The following SMG6 variants were observed in gnomAD, a reference collection of about 807,000 sequenced individuals.
The protein encoded by SMG6 is SMG6 nonsense mediated mRNA decay factor.
A neutral mutation model predicts 142.2 loss-of-function variants in SMG6; 66 were observed. The observed-to-expected ratio is 0.46, with a 90% CI of 0.38 to 0.57. SMG6 has a LOEUF of 0.57. SMG6 is among the 20% of genes least tolerant of loss of function. The pLI is 0.00. For missense variants in SMG6, 1,793 were observed against 1,832.0 expected (o/e 0.98, Z 0.39); for synonymous variants, 779 against 702.4 (o/e 1.11, Z -1.72).
chr17:2,097,358 A>T (rs2068883743), intron 13 of SMG6, among the ~76,000 whole-genome samples: 1 of 151,354 alleles, frequency 6.6e-6, no homozygotes, highest in Admixed American at 6.6e-5. Context: ...CTGGTCTTGA[A>T]CTCTTGGCCT....
intron 8 of SMG6, among the ~76,000 whole-genome samples, chr17:2,247,305 C>A (rs1275272488): frequency 6.6e-6 from 1 of 152,094 alleles, no homozygotes; most frequent in Non-Finnish European, 1.5e-5. Context: ...AACTTTTCCA[C>A]AGATAGGATG....
chr17:2,278,144 A>C (rs925940385), intron 8 of SMG6, among the ~76,000 whole-genome samples: 5 of 152,206 alleles, frequency 3.3e-5, no homozygotes, highest in Non-Finnish European at 7.3e-5. Context: ...GAAGGACATC[A>C]ATCAGTTAAT....
intron 13 of SMG6, among the ~76,000 whole-genome samples, chr17:2,098,699 C>T (rs969354407): frequency 2.0e-5 from 3 of 152,096 alleles, no homozygotes; most frequent in Admixed American, 6.6e-5. Flanking sequence ...GGCGTGATCT[C>T]GGCTCACTGA....
chr17:2,268,328 C>T (rs2074468516), intron 8 of SMG6, among the ~76,000 whole-genome samples: 1 of 152,156 alleles, frequency 6.6e-6, no homozygotes, highest in Admixed American at 6.5e-5. Flanking sequence ...TCTAAGGAAA[C>T]CTTATAAAAC....
chr17:2,104,209 C>T (rs2069092195), intron 13 of SMG6, among the ~76,000 whole-genome samples: 1 of 152,048 alleles, frequency 6.6e-6, no homozygotes. Flanking sequence ...CCTCGGCCTC[C>T]CAAAGTGCTG....
intron 13 of SMG6, chr17:2,127,866 C>T (rs1445560536): frequency 4.1e-5 from 23 of 560,108 alleles, no homozygotes; most frequent in Non-Finnish European, 5.3e-5. Context: ...CGATCTCCTG[C>T]TTCATCTTGG....
chr17:2,180,918 A>G (rs2071785975), intron 12 of SMG6, among the ~76,000 whole-genome samples: 1 of 152,178 alleles, frequency 6.6e-6, no homozygotes, highest in South Asian at 2.1e-4. Flanking sequence ...GCAAAGACCA[A>G]TGAAAGCATG....
intron 13 of SMG6, among the ~76,000 whole-genome samples, chr17:2,149,013 C>T (rs1567637690): frequency 6.6e-6 from 1 of 152,044 alleles, no homozygotes; most frequent in Non-Finnish European, 1.5e-5. Flanking sequence ...GGCTACACAA[C>T]AGTTTGAATG....
At chr17:2,114,384 G>A (rs1231575001) in intron 13 of SMG6, among the ~76,000 whole-genome samples, 1 of 152,050 alleles carries the variant, frequency 6.6e-6, no homozygotes, top group African/African-American at 2.4e-5. Flanking sequence ...CCATTGAAAT[G>A]ACTAAAAATA....
intron 13 of SMG6, among the ~76,000 whole-genome samples, chr17:2,159,200 C>T (rs1265665929): frequency 6.6e-6 from 1 of 152,140 alleles, no homozygotes; most frequent in African/African-American, 2.4e-5. Context: ...GCGGGTGGAT[C>T]ATTTGAGGTC....
At chr17:2,069,102 G>A (rs2068028544) in intron 15 of SMG6, among the ~76,000 whole-genome samples, 171 bp from the exon 16 acceptor site, 1 of 152,142 alleles carries the variant, frequency 6.6e-6, no homozygotes, top group Non-Finnish European at 1.5e-5. Flanking sequence ...GCTGAGCATA[G>A]CACTGCAATA....
At chr17:2,092,237 C>T (rs1309473406) in intron 13 of SMG6, among the ~76,000 whole-genome samples, 2 of 151,960 alleles carry the variant, frequency 1.3e-5, no homozygotes, top group Non-Finnish European at 2.9e-5. Flanking sequence ...CCACCGCGCC[C>T]GGCCTTTCTC....
At chr17:2,266,186 G>C (rs558903272) in intron 8 of SMG6, 2 of 985,236 alleles carry the variant, frequency 2.0e-6, no homozygotes, top group Non-Finnish European at 2.4e-6. Context: ...AAATTCTGAC[G>C]GGTATCTGGG....
In SMG6 at chr17:2,100,953, G is replaced by A. The variant is rs531394552; in HGVS notation, c.3358-15052C>T. Among the ~76,000 whole-genome samples the A allele has an allele frequency of 2.0e-5, 3 of 152,242 alleles. No homozygotes were observed. In the East Asian group the frequency reaches 5.8e-4, roughly 30 times the overall value. On this transcript the variant is annotated intron_variant, in intron 13 of 18. Transcript: ENST00000263073. ...AGGTGTGGGCCACAGCACCTGGCCA[G>A]AATGTGTGTAAGTGTTCCAGGTACT...
At chr17:2,202,270 G>C (rs1276320457) in intron 10 of SMG6, among the ~76,000 whole-genome samples, 7 of 152,152 alleles carry the variant, frequency 4.6e-5, no homozygotes, top group African/African-American at 1.7e-4. Context: ...TCATTCGAAT[G>C]TCAAAAACAG....
intron 13 of SMG6, among the ~76,000 whole-genome samples, chr17:2,129,839 G>T (rs1368570261): frequency 5.5e-5 from 7 of 126,982 alleles, no homozygotes; most frequent in African/African-American, 2.0e-4. Flanking sequence ...ATGACAAATA[G>T]ATTTAATAAT....
intron 9 of SMG6, chr17:2,237,446 G>C (rs1399851519): frequency 1.1e-6 from 1 of 884,724 alleles, no homozygotes; most frequent in Non-Finnish European, 1.4e-6. Flanking sequence ...CTATCACACT[G>C]ACTGTTCCGC....
chr17:2,082,324 G>A (rs2068447727), intron 14 of SMG6: 1 of 195,122 alleles, frequency 5.1e-6, no homozygotes, highest in Non-Finnish European at 1.1e-5. Flanking sequence ...TGATTCAAGA[G>A]GGAAACAACA....
In SMG6 at chr17:2,149,631, C is replaced by T. The variant is rs541334835; in HGVS notation, c.3357+23027G>A. Reference sequence around the variant, plus strand: ...AATCTAGGCAGGGCTTGTAGGCACTCCTTGACATCGTGGTCTGACTGGCAA... The same window carrying T: ...AATCTAGGCAGGGCTTGTAGGCACTTCTTGACATCGTGGTCTGACTGGCAA... On this transcript the variant is annotated intron_variant, in intron 13 of 18. Transcript: ENST00000263073. Among the ~76,000 whole-genome samples the T allele has an allele frequency of 3.3e-5, 5 of 152,264 alleles. No individual in the cohort carries two copies. The East Asian group carries it at 9.7e-4, about 29-fold the overall frequency.
Sources: gnomAD v4.1 joint callset for allele counts (sites outside exome capture counted in the v4.1 genomes callset) on GRCh38, gnomAD v4.1.1 for gene constraint, MANE v1.5 for transcripts, NCBI Gene and HGNC (gene_info 2026-07-23, HGNC 2026-07-21) for gene names.